Variants in ANLN observed in about 807,000 individuals in gnomAD.
The protein encoded by ANLN is anillin.
In ANLN, 59 loss-of-function variants were observed where a neutral mutation model predicts 135.1. That is an observed-to-expected ratio of 0.44 (90% CI 0.35 to 0.54). The LOEUF is 0.54. ANLN is among the 20% of genes least tolerant of loss of function. The pLI, the probability that ANLN is intolerant of heterozygous loss-of-function variation, is 0.00. For synonymous variants in ANLN, 406 were observed against 456.4 expected (o/e 0.89, Z 1.41); for missense variants, 1,182 against 1,340.0 (o/e 0.88, Z 1.84).
chr7:36,441,724 A>G (rs1339750680), intron 21 of ANLN, among the ~76,000 whole-genome samples: 4 of 152,232 alleles, frequency 2.6e-5, no homozygotes, highest in African/African-American at 7.2e-5. Context: ...CTCTGATTAT[A>G]GTATGATGTC....
At chr7:36,413,565 C>T (rs1454400387) in intron 7 of ANLN, among the ~76,000 whole-genome samples, 1 of 152,172 alleles carries the variant, frequency 6.6e-6, no homozygotes, top group Non-Finnish European at 1.5e-5. Flanking sequence ...CTGTGAAATT[C>T]CTCCCAGAAA....
chr7:36,420,544 T>C, intron 11 of ANLN, 53 bp from the exon 12 acceptor site: 1 of 1,464,852 alleles, frequency 6.8e-7, no homozygotes, highest in Non-Finnish European at 9.5e-7. Context: ...CAATAAAGGA[T>C]AGTGCTCAGT....
At chr7:36,409,009 G>A (rs1312664117) in intron 5 of ANLN, among the ~76,000 whole-genome samples, 1 of 152,086 alleles carries the variant, frequency 6.6e-6, no homozygotes, top group Non-Finnish European at 1.5e-5. Flanking sequence ...ATCATAAAGG[G>A]GCAGTAAACA....
chr7:36,444,537 G>A (rs952644164), intron 22 of ANLN, among the ~76,000 whole-genome samples: 2 of 152,040 alleles, frequency 1.3e-5, no homozygotes, highest in African/African-American at 4.8e-5. Flanking sequence ...CCCACCCACA[G>A]GAACAGTGGT....
rs1789302332 is a variant in ANLN at position 36,452,809 on chromosome 7, A to T, written c.*209A>T. The T allele has an allele frequency of 2.5e-6, 1 of 396,754 alleles. No homozygotes were observed. The highest frequency in any genetic ancestry group is 4.3e-5 in the Admixed American group (1 of 23,046). 24.6% of individuals were successfully genotyped at this position (396,754 alleles called of 1,614,324 possible). On this transcript the variant is annotated 3_prime_UTR_variant, in exon 24 of 24. Transcript: ENST00000265748. ...ATCAATGAGTAGAAGTAAATACATTATAGTTGATTTTGCTAAATCTTAATT... is the reference window on the plus strand; with the variant it reads ...ATCAATGAGTAGAAGTAAATACATTTTAGTTGATTTTGCTAAATCTTAATT...
In ANLN at chr7:36,390,000, T is replaced by G. The variant is rs1334644556; in HGVS notation, c.-27T>G. The G allele has an allele frequency of 1.2e-6, 2 of 1,613,986 alleles. No individual in the cohort carries two copies. The highest frequency in any genetic ancestry group is 1.7e-6 in the Non-Finnish European group (2 of 1,179,964). On this transcript the variant is annotated 5_prime_UTR_variant, in exon 1 of 24. Transcript: ENST00000265748. Reference sequence around the variant, plus strand: ...TCCTGAATTTGAACCACCGTTTCCATCGTCTCGTAGTCCGACGCCTGGGGC... The same window carrying G: ...TCCTGAATTTGAACCACCGTTTCCAGCGTCTCGTAGTCCGACGCCTGGGGC...
rs1420076809 is a variant in ANLN, at chr7:36,406,306, C to G, written c.613C>G (p.Leu205Val). 1 of 1,614,218 alleles carries G rather than the reference C, an allele frequency of 6.2e-7. No homozygotes were observed. The highest frequency in any genetic ancestry group is 8.5e-7 in the Non-Finnish European group (1 of 1,180,024). Residue 205 changes from leucine to valine, a missense_variant, in exon 4 of 24, where the codon CTT becomes GTT. This residue lies in a region of ANLN where 1,022 missense variants were observed against 1,134.0 expected (regional missense o/e 0.90). Coordinates refer to ENST00000265748, the MANE Select transcript of ANLN (RefSeq NM_018685.5). ...TGGCAGAAGGGGCCGTCTGGCCAAT[C>G]TTGCTGCAACTATTTGCTCCTGGGA... Reference protein sequence around the residue: ...PVGRRGRLANLAATICSWEDD... With the variant: ...PVGRRGRLANVAATICSWEDD...
chr7:36,415,651 C>A, intron 7 of ANLN, 107 bp from the exon 8 acceptor site: 1 of 1,264,454 alleles, frequency 7.9e-7, no homozygotes, highest in Non-Finnish European at 1.1e-6. Flanking sequence ...TCTAAGGAAA[C>A]TTATACAGAA....
chr7:36,443,752 C>A lies in ANLN; in HGVS notation c.2971-3C>A. On this transcript the variant is annotated splice_polypyrimidine_tract_variant and splice_region_variant and intron_variant, in intron 21 of 23. Transcript: ENST00000265748. ...AAGCCAGCATTTCAACTGACTTTTC[C>A]AGACCATATTTGAAGATGTTAGTGG... 6.2e-7 allele frequency: 1 copy of A among 1,605,722 alleles called. No homozygotes were observed. Among genetic ancestry groups the A allele is most frequent in the Non-Finnish European group, 8.5e-7 (1 of 1,174,570 alleles).
At chr7:36,414,794 A>G (rs1787572949) in intron 7 of ANLN, among the ~76,000 whole-genome samples, 1 of 152,250 alleles carries the variant, frequency 6.6e-6, no homozygotes. Flanking sequence ...TTGAGAGACA[A>G]TAAAGTCTGG....
intron 14 of ANLN, among the ~76,000 whole-genome samples, chr7:36,423,508 A>G (rs1454034741): frequency 6.6e-6 from 1 of 152,118 alleles, no homozygotes; most frequent in Admixed American, 6.6e-5. Flanking sequence ...CTTTTGAGAT[A>G]TGTACTATTA....
chr7:36,394,203 T>C (rs1445154343), intron 1 of ANLN, among the ~76,000 whole-genome samples: 1 of 152,224 alleles, frequency 6.6e-6, no homozygotes, highest in Non-Finnish European at 1.5e-5. Context: ...TTTGATATCT[T>C]ATTGCTACAA....
intron 3 of ANLN, among the ~76,000 whole-genome samples, chr7:36,399,825 G>A (rs1394053226): frequency 6.6e-6 from 1 of 152,180 alleles, no homozygotes; most frequent in African/African-American, 2.4e-5. Flanking sequence ...TTGAGCAGCT[G>A]CAAAGTATAT....
At chr7:36,390,105 C>T (rs1394510901) in intron 1 of ANLN, 61 bp downstream of exon 1, 2 of 1,610,194 alleles carry the variant, frequency 1.2e-6, no homozygotes, top group Non-Finnish European at 1.7e-6. Context: ...CACCCACCTT[C>T]CTCTGTCAAC....
At chr7:36,420,013 T>C (rs1787808118) in intron 10 of ANLN, among the ~76,000 whole-genome samples, 156 bp from the exon 11 acceptor site, 1 of 152,222 alleles carries the variant, frequency 6.6e-6, no homozygotes, top group African/African-American at 2.4e-5. Flanking sequence ...ATTTATTCTT[T>C]TATGTGTTAG....
At chr7:36,443,267 C>T (rs907090743) in intron 21 of ANLN, among the ~76,000 whole-genome samples, 1 of 152,188 alleles carries the variant, frequency 6.6e-6, no homozygotes, top group Admixed American at 6.5e-5. Flanking sequence ...TTGACCAAGG[C>T]TTATGATCAT....
At chr7:36,390,377 C>T (rs1786388783) in intron 1 of ANLN, 1 of 375,374 alleles carries the variant, frequency 2.7e-6, no homozygotes, top group South Asian at 4.1e-5. Flanking sequence ...GCCTGCGGAA[C>T]GGGTCCTGCT....
chr7:36,400,510 C>T (rs1786900341), intron 3 of ANLN, among the ~76,000 whole-genome samples: 1 of 152,042 alleles, frequency 6.6e-6, no homozygotes, highest in Admixed American at 6.6e-5. Flanking sequence ...CAGGTGTGTG[C>T]CACCATGCCC....
In ANLN at chr7:36,421,950, T is replaced by G. The variant is rs1291259012; in HGVS notation, c.2257T>G (p.Ser753Ala). Residue 753 changes from serine (S) to alanine (A), a missense_variant, in exon 13 of 24, where the codon TCC becomes GCC. Ser to Ala is a moderately conservative substitution (Grantham distance 99, BLOSUM62 1). Transcript: ENST00000265748. ...CCVDEEHGKG[S>A]LEEAEAERLL... ...TGTTGATGAAGAACATGGAAAAGGG[T>G]CCCTAGAAGAAGCTGAAGCAGAAAG... is the stretch of plus-strand genomic sequence containing the variant. 1 of 1,613,500 alleles carries G rather than the reference T, an allele frequency of 6.2e-7. No homozygotes were observed. Among genetic ancestry groups the G allele is most frequent in the South Asian group, 1.1e-5 (1 of 91,030 alleles).
Sources: allele counts gnomAD v4.1 joint callset (sites outside exome capture counted in the v4.1 genomes callset), GRCh38; gene constraint gnomAD v4.1.1; regional missense constraint gnomAD v4.1.1; transcripts MANE v1.5; gene names NCBI Gene and HGNC (gene_info 2026-07-23, HGNC 2026-07-21).